KRIT1: variants seen among roughly 807,000 people sequenced by gnomAD.
The protein encoded by KRIT1 is KRIT1 ankyrin repeat containing.
A neutral mutation model predicts 95.8 loss-of-function variants in KRIT1; 45 were observed. That is an observed-to-expected ratio of 0.47 (90% CI 0.37 to 0.60). KRIT1 has a LOEUF of 0.60. Ranked by LOEUF, KRIT1 falls within the 20% of genes least tolerant of loss-of-function variation. The probability of loss-of-function intolerance (pLI) is 0.00; values close to 1 mark genes in which losing one functional copy is unlikely to be tolerated. For missense variants in KRIT1, 788 were observed against 877.5 expected, an observed-to-expected ratio of 0.90 and a Z score of 1.29; for synonymous variants, 282 against 278.8, an observed-to-expected ratio of 1.01 and a Z score of -0.11.
In KRIT1 at chr7:92,233,864, G is replaced by A. The variant is rs911866989; in HGVS notation, c.989+585C>T. Among the ~76,000 whole-genome samples, 5 of 152,158 alleles carry A rather than the reference G, an allele frequency of 3.3e-5. No individual in the cohort carries two copies. The East Asian group carries it at 9.6e-4, about 29-fold the overall frequency. Reference sequence around the variant, plus strand: ...TAAACACTAACAACTCAGCCCAACTGAGGGGAAAAATAATTATGTGAGAGG... The same window carrying A: ...TAAACACTAACAACTCAGCCCAACTAAGGGGAAAAATAATTATGTGAGAGG... On this transcript the variant is annotated intron_variant, in intron 10 of 18. Transcript: ENST00000394505.
At chr7:92,206,887 T>A (rs1416912889) in intron 17 of KRIT1, 6 of 124,292 alleles carry the variant, frequency 4.8e-5, no homozygotes, top group Admixed American at 9.1e-5. Flanking sequence ...ATAGACTAGA[T>A]CAAGCAGAAT....
chr7:92,243,656 T>C (rs1029787985), intron 3 of KRIT1, among the ~76,000 whole-genome samples: 7 of 152,208 alleles, frequency 4.6e-5, no homozygotes, highest in Non-Finnish European at 7.4e-5. Context: ...TGCCTTATGA[T>C]TGTAAAATTA....
At chr7:92,201,221 G>A (rs1252763026) in intron 18 of KRIT1, 86 bp downstream of exon 18, 1 of 760,774 alleles carries the variant, frequency 1.3e-6, no homozygotes, top group Admixed American at 1.9e-5. Context: ...GGTTTTCCTT[G>A]AAGTTAAATG....
Position 92,236,393 on chromosome 7 carries a change from C to T in KRIT1, c.485+20G>A, listed in dbSNP as rs750044119. On this transcript the variant is annotated intron_variant, in intron 7 of 18. Coordinates refer to ENST00000394505, the MANE Select transcript of KRIT1 (RefSeq NM_194454.3). ...CATGTATTTGATTAATTAAAAGATACTTCTAACGGCATTTCTTACTTATCC... is the reference window on the plus strand; with the variant it reads ...CATGTATTTGATTAATTAAAAGATATTTCTAACGGCATTTCTTACTTATCC... 2.6e-6 allele frequency: 4 copies of T among 1,550,938 alleles called. No individual in the cohort carries two copies. Among genetic ancestry groups the T allele is most frequent in the Non-Finnish European group, 2.7e-6 (3 of 1,124,050 alleles).
intron 7 of KRIT1, 162 bp downstream of exon 7, chr7:92,236,251 C>T (rs770730422): frequency 1.7e-4 from 97 of 569,698 alleles, no homozygotes; most frequent in Non-Finnish European, 1.7e-4. Flanking sequence ...ACCTTATCTT[C>T]GGGTTTTTCA....
At chr7:92,204,615 G>A (rs1288016261) in intron 17 of KRIT1, among the ~76,000 whole-genome samples, 1 of 151,738 alleles carries the variant, frequency 6.6e-6, no homozygotes, top group African/African-American at 2.4e-5. Context: ...TCTCATAAGG[G>A]GCATGAAACC....
At chr7:92,240,452 G>A (rs1799375086) in intron 5 of KRIT1, among the ~76,000 whole-genome samples, 2 of 152,234 alleles carry the variant, frequency 1.3e-5, no homozygotes, top group African/African-American at 4.8e-5. Flanking sequence ...TTTCTGTAAC[G>A]TTTGATGGCT....
At chr7:92,233,845 C>G (rs1797844341) in intron 10 of KRIT1, among the ~76,000 whole-genome samples, 1 of 152,166 alleles carries the variant, frequency 6.6e-6, no homozygotes, top group Non-Finnish European at 1.5e-5. Flanking sequence ...ACTCTAAACA[C>G]TAACAACTCA....
intron 6 of KRIT1, 83 bp from the exon 7 acceptor site, chr7:92,236,625 A>G (rs1416417122): frequency 3.2e-6 from 3 of 949,948 alleles, no homozygotes; most frequent in Non-Finnish European, 5.0e-6. Flanking sequence ...ATGTTAGAAA[A>G]TGAAAACTTG....
intron 10 of KRIT1, among the ~76,000 whole-genome samples, chr7:92,228,309 T>A (rs1796614350): frequency 6.6e-6 from 1 of 152,162 alleles, no homozygotes; most frequent in Non-Finnish European, 1.5e-5. Context: ...AAGACTTATG[T>A]AAGGCTGCAC....
At chr7:92,228,921 C>CT (rs1356515448) in intron 10 of KRIT1, among the ~76,000 whole-genome samples, 3 of 152,260 alleles carry the variant, frequency 2.0e-5, no homozygotes, top group Non-Finnish European at 4.4e-5. Flanking sequence ...AGATCTTGTT[C>CT]TTTTTTCTGG....
chr7:92,202,381 C>T (rs1222283367), intron 17 of KRIT1: 1 of 152,138 alleles, frequency 6.6e-6, no homozygotes, highest in Non-Finnish European at 1.5e-5. Context: ...CCTACACTTT[C>T]CTAATATAAT....
chr7:92,225,195 T>C (rs1334953891), intron 12 of KRIT1, among the ~76,000 whole-genome samples: 4 of 152,128 alleles, frequency 2.6e-5, no homozygotes. Context: ...GCATAGAAAT[T>C]ATATGAAAAT....
At chr7:92,219,764 T>C (rs79489616) in intron 14 of KRIT1, among the ~76,000 whole-genome samples, 3 of 152,226 alleles carry the variant, frequency 2.0e-5, no homozygotes, top group South Asian at 2.1e-4. Context: ...ATTCCTATCA[T>C]TGAACGTGGA....
At chr7:92,242,770 A>C (rs1264699704) in intron 3 of KRIT1, among the ~76,000 whole-genome samples, 1 of 152,232 alleles carries the variant, frequency 6.6e-6, no homozygotes, top group African/African-American at 2.4e-5. Flanking sequence ...AAGGTGATTT[A>C]AGAATCTTTT....
At chr7:92,239,542 G>A (rs928152546) in intron 5 of KRIT1, among the ~76,000 whole-genome samples, 2 of 152,096 alleles carry the variant, frequency 1.3e-5, no homozygotes, top group African/African-American at 4.8e-5. Flanking sequence ...CATCCAAAGA[G>A]AGTCTTCACA....
intron 12 of KRIT1, among the ~76,000 whole-genome samples, chr7:92,225,113 A>G (rs566799814): frequency 6.6e-6 from 1 of 152,244 alleles, no homozygotes; most frequent in East Asian, 1.9e-4. Flanking sequence ...AGATCGCGCC[A>G]TTGTATTCCA....
intron 17 of KRIT1, among the ~76,000 whole-genome samples, chr7:92,207,291 C>T (rs1791754842): frequency 6.6e-6 from 1 of 151,680 alleles, no homozygotes; most frequent in Admixed American, 6.6e-5. Flanking sequence ...AGGACATTGC[C>T]ATCAAACAAA....
At chr7:92,238,313 T>C (rs1359105957) in intron 5 of KRIT1, among the ~76,000 whole-genome samples, 1 of 152,220 alleles carries the variant, frequency 6.6e-6, no homozygotes, top group Admixed American at 6.5e-5. Flanking sequence ...TCTTGTATTC[T>C]AAAACCCCTC....
Sources: allele counts gnomAD v4.1 joint callset (sites outside exome capture counted in the v4.1 genomes callset), GRCh38; gene constraint gnomAD v4.1.1; transcripts MANE v1.5; gene names NCBI Gene and HGNC (gene_info 2026-07-23, HGNC 2026-07-21).